The following NCAM2 variants were observed in gnomAD, a reference collection of about 807,000 sequenced individuals.
NCAM2 encodes the protein N-CAM-2.
Under a neutral mutation model 98.1 loss-of-function variants are expected in NCAM2, and 30 were observed. The observed-to-expected ratio is 0.31, with a 90% CI of 0.23 to 0.41. NCAM2 has a LOEUF of 0.41. Among genes scored for constraint, NCAM2 ranks in the 10% least tolerant of loss-of-function variants. The probability of loss-of-function intolerance (pLI) is 1.00; values close to 1 mark genes in which losing one functional copy is unlikely to be tolerated. For missense variants in NCAM2, 867 were observed against 1,005.8 expected, an observed-to-expected ratio of 0.86 and a Z score of 1.87; for synonymous variants, 368 against 342.4, an observed-to-expected ratio of 1.07 and a Z score of -0.83.
intron 8 of NCAM2, among the ~76,000 whole-genome samples, chr21:21,368,138 G>C (rs1167107972): frequency 1.3e-5 from 2 of 151,634 alleles, no homozygotes; most frequent in African/African-American, 2.4e-5. Flanking sequence ...CTTTATACAT[G>C]TATTAAAATA....
chr21:21,461,677 G>T (rs1000406871), intron 12 of NCAM2, among the ~76,000 whole-genome samples: 1 of 151,572 alleles, frequency 6.6e-6, no homozygotes, highest in Non-Finnish European at 1.5e-5. Context: ...ACAGGTAAAA[G>T]TATGATTCAT....
At chr21:21,085,109 A>G (rs2065882889) in intron 1 of NCAM2, among the ~76,000 whole-genome samples, 1 of 152,084 alleles carries the variant, frequency 6.6e-6, no homozygotes, top group Non-Finnish European at 1.5e-5. Flanking sequence ...TTCAAAATAT[A>G]CTTGATTAAG....
chr21:21,313,546 A>G (rs995888150), intron 5 of NCAM2, among the ~76,000 whole-genome samples: 2 of 151,896 alleles, frequency 1.3e-5, no homozygotes, highest in Non-Finnish European at 2.9e-5. Flanking sequence ...TTTGAATGGC[A>G]TATTTTTTCT....
intron 15 of NCAM2, among the ~76,000 whole-genome samples, chr21:21,480,987 T>C (rs1985828384): frequency 6.6e-6 from 1 of 152,196 alleles, no homozygotes; most frequent in South Asian, 2.1e-4. Flanking sequence ...AAATCGTTGG[T>C]TAGATATGTG....
In NCAM2 at chr21:21,286,254, A is replaced by G. The variant is rs747492085; in HGVS notation, c.338-15A>G. 6.4e-7 allele frequency: 1 copy of G among 1,569,682 alleles called. No individual in the cohort carries two copies. Among genetic ancestry groups the G allele is most frequent in the Non-Finnish European group, 8.7e-7 (1 of 1,155,074 alleles). On this transcript the variant is annotated splice_polypyrimidine_tract_variant and intron_variant, in intron 3 of 17. Transcript: ENST00000400546. ...TGATTTGTGATTTGTGATTTGTTTT[A>G]CTTTGTTGATACAGAAAAACTCACT...
intron 1 of NCAM2, among the ~76,000 whole-genome samples, chr21:21,046,917 A>G (rs760546469): frequency 6.6e-6 from 1 of 152,336 alleles, no homozygotes; most frequent in Non-Finnish European, 1.5e-5. Flanking sequence ...TTGTTTTGTC[A>G]GAATGAAAAC....
chr21:21,372,766 T>C (rs1209790459), intron 8 of NCAM2, among the ~76,000 whole-genome samples: 1 of 151,788 alleles, frequency 6.6e-6, no homozygotes, highest in African/African-American at 2.4e-5. Context: ...TTCCAGAATT[T>C]ATGTTAATAA....
chr21:21,077,166 C>T (rs1196207763), intron 1 of NCAM2, among the ~76,000 whole-genome samples: 2 of 152,084 alleles, frequency 1.3e-5, no homozygotes, highest in East Asian at 1.9e-4. Flanking sequence ...ATGGCAACAT[C>T]GTTTAGATGA....
At chr21:21,292,836 G>A (rs9977260) in intron 5 of NCAM2, among the ~76,000 whole-genome samples, 6,321 of 151,858 alleles carry the variant, frequency 0.042, 243 homozygotes, top group East Asian at 0.19. Flanking sequence ...AAGAATACTC[G>A]AGACTGAGTA....
intron 1 of NCAM2, among the ~76,000 whole-genome samples, chr21:21,273,493 G>A (rs887872933): frequency 6.6e-6 from 1 of 152,014 alleles, no homozygotes; most frequent in Non-Finnish European, 1.5e-5. Context: ...AAACAGGAGG[G>A]TCAAAGAACA....
intron 4 of NCAM2, among the ~76,000 whole-genome samples, chr21:21,288,724 T>A (rs1290186908): frequency 6.6e-6 from 1 of 151,798 alleles, no homozygotes; most frequent in Non-Finnish European, 1.5e-5. Context: ...GCTGATGAAA[T>A]AAGATCAAGA....
chr21:21,330,457 T>G (rs2074641715), intron 6 of NCAM2, among the ~76,000 whole-genome samples: 1 of 152,108 alleles, frequency 6.6e-6, no homozygotes, highest in Non-Finnish European at 1.5e-5. Flanking sequence ...TTACTGCTGT[T>G]GATTTTTAAC....
chr21:21,358,448 CTTTA>C (rs71977794), intron 8 of NCAM2, among the ~76,000 whole-genome samples: 34,617 of 151,822 alleles, frequency 0.23, 4,198 homozygotes, highest in Admixed American at 0.27. Flanking sequence ...TTTGAAATTA[CTTTA>C]TTTATTCTAT....
chr21:21,236,743 G>T (rs2070843171), intron 1 of NCAM2, among the ~76,000 whole-genome samples: 1 of 128,500 alleles, frequency 7.8e-6, no homozygotes, highest in Non-Finnish European at 1.7e-5. Flanking sequence ...GATTCTCAGA[G>T]AAATCAGTAC....
chr21:21,389,838 G>T (rs1263529590), intron 9 of NCAM2, among the ~76,000 whole-genome samples: 1 of 152,100 alleles, frequency 6.6e-6, no homozygotes, highest in Non-Finnish European at 1.5e-5. Context: ...CACTTAGGTT[G>T]ATTCCATATT....
At chr21:21,183,442 TAGTA>T (rs928166532) in intron 1 of NCAM2, among the ~76,000 whole-genome samples, 3 of 152,048 alleles carry the variant, frequency 2.0e-5, no homozygotes, top group Admixed American at 6.6e-5. Context: ...TTTGTGGCAG[TAGTA>T]AGTAAGAGAT....
intron 8 of NCAM2, among the ~76,000 whole-genome samples, chr21:21,355,682 C>T (rs1344224571): frequency 6.6e-6 from 1 of 151,522 alleles, no homozygotes; most frequent in African/African-American, 2.4e-5. Context: ...GTGGCACGAC[C>T]TCGGCTCACT....
chr21:21,122,776 A>G (rs75985560), intron 1 of NCAM2, among the ~76,000 whole-genome samples: 1,929 of 152,260 alleles, frequency 0.013, 49 homozygotes, highest in African/African-American at 0.044. Context: ...ATCAGAACTG[A>G]GCCATTGTGA....
intron 1 of NCAM2, among the ~76,000 whole-genome samples, chr21:21,025,361 A>G (rs1046290606): frequency 5.3e-5 from 8 of 152,186 alleles, no homozygotes; most frequent in Non-Finnish European, 8.8e-5. Context: ...CTGGGATTAC[A>G]GGCGAGAGCC....
Sources: gnomAD v4.1 joint callset for allele counts (sites outside exome capture counted in the v4.1 genomes callset) on GRCh38, gnomAD v4.1.1 for gene constraint, MANE v1.5 for transcripts, NCBI Gene and HGNC (gene_info 2026-07-23, HGNC 2026-07-21) for gene names.